Variants in MYO5B observed in about 807,000 individuals in gnomAD.
The protein encoded by MYO5B is unconventional myosin-Vb.
MYO5B carries 143 observed loss-of-function variants against 229.3 expected under a neutral mutation model. The ratio of observed to expected loss-of-function variants is 0.62; its 90% CI spans 0.54 to 0.72. The LOEUF (loss-of-function observed/expected upper bound fraction) is 0.72. Ranked by LOEUF, MYO5B falls within the 30% of genes least tolerant of loss-of-function variation. MYO5B has a pLI of 0.00. For missense variants in MYO5B, 2,321 were observed against 2,331.0 expected, an observed-to-expected ratio of 1.00 and a Z score of 0.09; for synonymous variants, 918 against 885.2, an observed-to-expected ratio of 1.04 and a Z score of -0.66.
chr18:49,846,145 T>A (rs1330020586), intron 33 of MYO5B, among the ~76,000 whole-genome samples: 1 of 152,162 alleles, frequency 6.6e-6, no homozygotes, highest in Non-Finnish European at 1.5e-5. Flanking sequence ...AAACTGCAGA[T>A]GATCGCAGGG....
At chr18:50,077,161 G>T (rs1252509295) in intron 1 of MYO5B, among the ~76,000 whole-genome samples, 1 of 78,078 alleles carries the variant, frequency 1.3e-5, no homozygotes, top group African/African-American at 4.7e-5. Flanking sequence ...AATTTATTGT[G>T]GCAAAGTAAA....
intron 30 of MYO5B, 24 bp downstream of exon 30, chr18:49,856,789 C>G: frequency 6.3e-7 from 1 of 1,598,458 alleles, no homozygotes; most frequent in Non-Finnish European, 8.6e-7. Flanking sequence ...AAAGCAGACA[C>G]AGGAAGAAAG....
At chr18:50,073,381 G>A (rs1344684177) in intron 1 of MYO5B, among the ~76,000 whole-genome samples, 1 of 152,164 alleles carries the variant, frequency 6.6e-6, no homozygotes, top group Non-Finnish European at 1.5e-5. Context: ...AACTGGGAAG[G>A]ACAAGCCCTC....
intron 27 of MYO5B, among the ~76,000 whole-genome samples, chr18:49,870,927 G>A (rs573693325): frequency 6.6e-6 from 1 of 152,306 alleles, no homozygotes; most frequent in South Asian, 2.1e-4. Flanking sequence ...ACATGATTCA[G>A]CAACTCCACT....
intron 17 of MYO5B, among the ~76,000 whole-genome samples, chr18:49,919,365 T>C (rs1308814512): frequency 6.6e-6 from 1 of 151,768 alleles, no homozygotes; most frequent in Non-Finnish European, 1.5e-5. Flanking sequence ...AGAACACTAC[T>C]AAGGAAGTGA....
At chr18:49,976,476 A>C (rs1173996921) in intron 9 of MYO5B, among the ~76,000 whole-genome samples, 2 of 152,242 alleles carry the variant, frequency 1.3e-5, no homozygotes, top group Non-Finnish European at 2.9e-5. Context: ...AGGAGAGGAT[A>C]GGACCAGGTT....
At chr18:49,864,028 G>T in intron 28 of MYO5B, 113 bp downstream of exon 28, 2 of 1,506,852 alleles carry the variant, frequency 1.3e-6, no homozygotes, top group East Asian at 2.3e-5. Context: ...CACAGCGAGA[G>T]ACTCTGCTCT....
At chr18:50,125,656 T>C (rs1446210701) in intron 1 of MYO5B, among the ~76,000 whole-genome samples, 2 of 152,196 alleles carry the variant, frequency 1.3e-5, no homozygotes, top group Non-Finnish European at 2.9e-5. Context: ...GCAATTCTAC[T>C]TCTAGGAATG....
chr18:50,143,927 T>C (rs1277777440), intron 1 of MYO5B, among the ~76,000 whole-genome samples: 2 of 152,210 alleles, frequency 1.3e-5, no homozygotes, highest in African/African-American at 2.4e-5. Context: ...ATGCATGGAA[T>C]ATCCATTTTC....
intron 26 of MYO5B, among the ~76,000 whole-genome samples, chr18:49,873,692 A>C (rs2024483880): frequency 6.6e-6 from 1 of 152,200 alleles, no homozygotes; most frequent in Non-Finnish European, 1.5e-5. Flanking sequence ...CAGAAAGTGG[A>C]GGTCACCTAC....
At chr18:49,948,592 C>G (rs1300830006) in intron 14 of MYO5B, among the ~76,000 whole-genome samples, 3 of 152,222 alleles carry the variant, frequency 2.0e-5, no homozygotes, top group African/African-American at 7.2e-5. Context: ...TTTATTATCT[C>G]AAGCTCCTAT....
intron 12 of MYO5B, among the ~76,000 whole-genome samples, chr18:49,957,741 G>A (rs946119810): frequency 3.4e-5 from 5 of 148,456 alleles, no homozygotes; most frequent in Admixed American, 6.7e-5. Flanking sequence ...TTCTTTTCTC[G>A]TCCCTGTCTT....
At chr18:49,999,824 G>A (rs1025336228) in intron 5 of MYO5B, among the ~76,000 whole-genome samples, 3 of 152,210 alleles carry the variant, frequency 2.0e-5, no homozygotes, top group Non-Finnish European at 2.9e-5. Flanking sequence ...CTCTGGAGTG[G>A]AGTAGAGCAA....
chr18:49,972,306 G>A (rs988208263), intron 10 of MYO5B, among the ~76,000 whole-genome samples: 36 of 152,022 alleles, frequency 2.4e-4, no homozygotes, highest in Non-Finnish European at 1.2e-4. Context: ...TGCACAAACC[G>A]GGCTGACATC....
At chr18:49,850,970 C>T (rs1027048286) in intron 31 of MYO5B, 6 of 152,456 alleles carry the variant, frequency 3.9e-5, no homozygotes, top group East Asian at 1.9e-4. Flanking sequence ...GGGACCAGGA[C>T]GCTGGTACTA....
At chr18:50,103,337 A>ACT (rs144438712) in intron 1 of MYO5B, among the ~76,000 whole-genome samples, 5,747 of 152,216 alleles carry the variant, frequency 0.038, 357 homozygotes, top group African/African-American at 0.13. Flanking sequence ...GGTAAAAGAC[A>ACT]CTCTATCCTG....
chr18:49,860,318 TC>T (rs2024313573), intron 29 of MYO5B, among the ~76,000 whole-genome samples: 1 of 151,990 alleles, frequency 6.6e-6, no homozygotes, highest in South Asian at 2.1e-4. Flanking sequence ...CTAAACCACT[TC>T]CCCATCCTTC....
At chr18:49,952,909 C>T (rs1469721104) in intron 14 of MYO5B, among the ~76,000 whole-genome samples, 2 of 151,862 alleles carry the variant, frequency 1.3e-5, no homozygotes, top group Non-Finnish European at 2.9e-5. Context: ...ACATGATGGA[C>T]ACCAGCCACA....
intron 4 of MYO5B, among the ~76,000 whole-genome samples, chr18:50,016,805 A>G (rs376937223): frequency 1.2e-3 from 182 of 151,874 alleles, no homozygotes; most frequent in African/African-American, 4.2e-3. Flanking sequence ...CTCATTGCCT[A>G]CCAATCCCCA....
Sources: gnomAD v4.1 joint callset for allele counts (sites outside exome capture counted in the v4.1 genomes callset) on GRCh38, gnomAD v4.1.1 for gene constraint, MANE v1.5 for transcripts, NCBI Gene and HGNC (gene_info 2026-07-23, HGNC 2026-07-21) for gene names.